Variants in CSNK1G2 observed in about 807,000 individuals in gnomAD.
CSNK1G2 encodes casein kinase I isoform gamma-2.
CSNK1G2 carries 11 observed loss-of-function variants against 48.0 expected under a neutral mutation model. That is an observed-to-expected ratio of 0.23 (90% CI 0.14 to 0.38). The LOEUF (loss-of-function observed/expected upper bound fraction) is 0.38, where lower values mean the gene tolerates loss of function less well. CSNK1G2 is among the 10% of genes least tolerant of loss of function. The pLI is 1.00. For missense variants in CSNK1G2, 446 were observed against 595.5 expected (o/e 0.75, Z 2.61); for synonymous variants, 337 against 254.1 (o/e 1.33, Z -3.10).
chr19:1,965,943 C>T (rs576274021), intron 1 of CSNK1G2, among the ~76,000 whole-genome samples: 6 of 152,140 alleles, frequency 3.9e-5, no homozygotes, highest in Non-Finnish European at 8.8e-5. Flanking sequence ...ACCACAGGTG[C>T]GCACCGCCAT....
At chr19:1,949,770 C>G (rs910563822) in intron 1 of CSNK1G2, among the ~76,000 whole-genome samples, 2 of 152,250 alleles carry the variant, frequency 1.3e-5, no homozygotes, top group African/African-American at 4.8e-5. Flanking sequence ...GACCACTCCC[C>G]TCTTCCGGTG....
chr19:1,967,698 C>CA (rs1555681689), intron 1 of CSNK1G2, among the ~76,000 whole-genome samples: 4 of 102,240 alleles, frequency 3.9e-5, no homozygotes, highest in East Asian at 3.6e-4. Flanking sequence ...CAGGCTGCCC[C>CA]CACCACCCTT....
chr19:1,945,006 G>A (rs549984834), intron 1 of CSNK1G2, among the ~76,000 whole-genome samples: 1 of 152,200 alleles, frequency 6.6e-6, no homozygotes, highest in Non-Finnish European at 1.5e-5. Context: ...AGCAGGACAT[G>A]CCCCGGGTGG....
At chr19:1,945,114 C>T (rs1190674771) in intron 1 of CSNK1G2, among the ~76,000 whole-genome samples, 1 of 152,236 alleles carries the variant, frequency 6.6e-6, no homozygotes, top group Non-Finnish European at 1.5e-5. Context: ...GGCTCCGCGG[C>T]CCCTTCTCGC....
intron 1 of CSNK1G2, among the ~76,000 whole-genome samples, chr19:1,955,808 C>G (rs2014975002): frequency 6.6e-6 from 1 of 152,192 alleles, no homozygotes; most frequent in Admixed American, 6.5e-5. Context: ...ATCTGTGTGG[C>G]TCAGCTCTGC....
intron 1 of CSNK1G2, among the ~76,000 whole-genome samples, chr19:1,963,042 G>GCCAGGCTCAATGAGACACT (rs58943315): frequency 0.33 from 49,407 of 149,048 alleles, 8,593 homozygotes; most frequent in East Asian, 0.49. Flanking sequence ...CCTTCAGGAC[G>GCCAGGCTCAATGAGACACT]CCAGGCTCAA....
At chr19:1,973,082 CA>C (rs2015628804) in intron 2 of CSNK1G2, among the ~76,000 whole-genome samples, 1 of 151,840 alleles carries the variant, frequency 6.6e-6, no homozygotes, top group African/African-American at 2.4e-5. Flanking sequence ...CGCCCGCCAC[CA>C]CACCCAGCTA....
In CSNK1G2 at chr19:1,978,781, G is replaced by C; in HGVS notation, c.447+31G>C. 6.4e-7 allele frequency: 1 copy of C among 1,571,614 alleles called. No individual in the cohort carries two copies. The highest frequency in any genetic ancestry group is 8.6e-7 in the Non-Finnish European group (1 of 1,159,642). On this transcript the variant is annotated intron_variant, in intron 5 of 11. Coordinates refer to ENST00000255641, the MANE Select transcript of CSNK1G2 (RefSeq NM_001319.7). This position sits in a 1 kb window ranked among gnomAD's most constrained non-coding sequence, Gnocchi z 7.3. ...CGGCGGGCGGGGCGGGGCGGGGCTC[G>C]GAGGGAAGAGGGTGGCCCTGGAGGG...
intron 1 of CSNK1G2, among the ~76,000 whole-genome samples, chr19:1,954,894 G>A (rs2014928218): frequency 6.6e-6 from 1 of 152,150 alleles, no homozygotes; most frequent in South Asian, 2.1e-4. Context: ...GTGGAGGCTG[G>A]GTGAGGATCA....
rs760067478 is a variant in CSNK1G2, at chr19:1,978,279, G to A, written c.188-26G>A. The A allele has an allele frequency of 2.5e-6, 4 of 1,613,002 alleles. No homozygotes were observed. The highest frequency in any genetic ancestry group is 1.3e-5 in the African/African-American group (1 of 74,994). Reference sequence around the variant, plus strand: ...GGGGCTAGGTGGGCCCTGCGCTGGCGGTGCTGATGGTCTCTGTCCCCGCAG... The same window carrying A: ...GGGGCTAGGTGGGCCCTGCGCTGGCAGTGCTGATGGTCTCTGTCCCCGCAG... On this transcript the variant is annotated intron_variant, in intron 2 of 11. Transcript: ENST00000255641. The surrounding 1 kb of genome is among the most constrained non-coding windows in gnomAD (Gnocchi z 7.3).
intron 1 of CSNK1G2, among the ~76,000 whole-genome samples, chr19:1,955,857 C>T (rs150347772): frequency 5.3e-4 from 80 of 152,320 alleles, no homozygotes; most frequent in Admixed American, 1.8e-3. Context: ...GCCCTGAGGC[C>T]GGGCACAGGG....
Position 1,941,256 on chromosome 19 carries a change from G to A in CSNK1G2, c.-428G>A, listed in dbSNP as rs1215726191. On this transcript the variant is annotated 5_prime_UTR_variant, in exon 1 of 12. Coordinates refer to ENST00000255641, the MANE Select transcript of CSNK1G2 (RefSeq NM_001319.7). ...CCGGCGCCTCCCGTCCCGAACATGC[G>A]GAGGCCGGCCCAGGCGGCGCGGGAG... 2 of 145,030 alleles carry A rather than the reference G, an allele frequency of 1.4e-5. No homozygotes were observed. Among genetic ancestry groups the A allele is most frequent in the Non-Finnish European group, 3.1e-5 (2 of 65,520 alleles). The allele number at this position is 145,030 out of a possible 1,614,324, so 9.0% of individuals were successfully genotyped here.
chr19:1,962,542 G>A lies in CSNK1G2; in HGVS notation c.-265-6966G>A, dbSNP rs138972729. ...TAGCCAGACATGGGGGTCCATGCCTGTGGTCCCAGCTACTCGGGAGGCTGA... is the reference window on the plus strand; with the variant it reads ...TAGCCAGACATGGGGGTCCATGCCTATGGTCCCAGCTACTCGGGAGGCTGA... On this transcript the variant is annotated intron_variant, in intron 1 of 11. Coordinates refer to ENST00000255641, the MANE Select transcript of CSNK1G2 (RefSeq NM_001319.7). Among the ~76,000 whole-genome samples, 572 of 152,094 alleles carry A rather than the reference G, an allele frequency of 3.8e-3. 3 individuals carry two copies. Among genetic ancestry groups the A allele is most frequent in the African/African-American group, 0.013 (542 of 41,476 alleles).
chr19:1,948,450 G>A (rs770037911), intron 1 of CSNK1G2, among the ~76,000 whole-genome samples: 4 of 150,844 alleles, frequency 2.7e-5, no homozygotes, highest in Non-Finnish European at 5.9e-5. Context: ...ATGAACCCGG[G>A]AGGCGAAGCT....
chr19:1,952,648 G>A, intron 1 of CSNK1G2: 1 of 166,436 alleles, frequency 6.0e-6, no homozygotes, highest in Non-Finnish European at 1.3e-5. Flanking sequence ...GATCCTTGAA[G>A]GCCCTTGATA....
At chr19:1,950,109 A>G (rs559105882) in intron 1 of CSNK1G2, among the ~76,000 whole-genome samples, 1 of 151,714 alleles carries the variant, frequency 6.6e-6, no homozygotes, top group South Asian at 2.1e-4. Flanking sequence ...ATCAACGTTT[A>G]TTTTTATTTA....
At chr19:1,963,100 C>T (rs988485888) in intron 1 of CSNK1G2, among the ~76,000 whole-genome samples, 12 of 152,134 alleles carry the variant, frequency 7.9e-5, no homozygotes, top group African/African-American at 2.2e-4. Context: ...GAGGACATGC[C>T]GTGTGTGATC....
chr19:1,961,996 C>T (rs1314694213), intron 1 of CSNK1G2, among the ~76,000 whole-genome samples: 1 of 152,142 alleles, frequency 6.6e-6, no homozygotes, highest in African/African-American at 2.4e-5. Flanking sequence ...AAACTCGCAT[C>T]CAAAAATAAA....
chr19:1,979,993 A>AG lies in CSNK1G2; in HGVS notation c.1171dup (p.Val391GlyfsTer6). The AG allele has an allele frequency of 6.3e-7, 1 of 1,581,124 alleles. No individual in the cohort carries two copies. The highest frequency in any genetic ancestry group is 8.6e-7 in the Non-Finnish European group (1 of 1,162,890). On this transcript the variant is annotated frameshift_variant, in exon 11 of 12. Coordinates refer to ENST00000255641, the MANE Select transcript of CSNK1G2 (RefSeq NM_001319.7). LOFTEE classifies it high-confidence loss of function. ...AACGCCCCGATCACAGCGCCTGCAGAGGTGGAGGTGGCCGATGAAACCAAG... is the reference window on the plus strand; with the variant it reads ...AACGCCCCGATCACAGCGCCTGCAGAGGGTGGAGGTGGCCGATGAAACCAAG...
Sources: gnomAD v4.1 joint callset for allele counts (sites outside exome capture counted in the v4.1 genomes callset) on GRCh38, gnomAD v4.1.1 for gene constraint, Gnocchi (gnomAD v3.1) non-coding constraint, MANE v1.5 for transcripts, NCBI Gene and HGNC (gene_info 2026-07-23, HGNC 2026-07-21) for gene names.